Variants in LIM2 observed in about 807,000 individuals in gnomAD.
The protein encoded by LIM2 is lens intrinsic membrane protein 2, also known as lens fiber membrane intrinsic protein.
In LIM2, 14 loss-of-function variants were observed where a neutral mutation model predicts 19.0. The observed-to-expected ratio is 0.74, with a 90% confidence interval of 0.49 to 1.15. The LOEUF (loss-of-function observed/expected upper bound fraction) is 1.15, where lower values mean the gene tolerates loss of function less well. Among genes scored for constraint, LIM2 ranks in the 50% most tolerant of loss-of-function variants. The probability of loss-of-function intolerance (pLI) is 0.00; values close to 1 mark genes in which losing one functional copy is unlikely to be tolerated. For missense variants in LIM2, 230 were observed against 243.5 expected (o/e 0.94, Z 0.37); for synonymous variants, 78 against 89.6 (o/e 0.87, Z 0.73).
chr19:51,380,537 C>T lies in LIM2; in HGVS notation c.428G>A (p.Gly143Asp), dbSNP rs775952190. The part of the protein sequence containing the change: ...DWRFSWSYIL[G>D]WVAVLMTFFA... ...GAACGTCATGAGCACTGCCACCCAG[C>T]CCAGGATGTAGGACCAGGAAAAGCG... The change falls in exon 4 of 5, where the codon GGC (glycine) becomes GAC (aspartate). Residue 143 changes from glycine (G) to aspartate (D), a missense_variant. Coordinates refer to ENST00000596399, the MANE Select transcript of LIM2 (RefSeq NM_001161748.2). The T allele has an allele frequency of 1.9e-6, 3 of 1,614,206 alleles. No homozygotes were observed. The highest frequency in any genetic ancestry group is 1.1e-5 in the South Asian group (1 of 91,084).
At chr19:51,383,611 C>T (rs1231357473) in intron 2 of LIM2, among the ~76,000 whole-genome samples, 1 of 152,184 alleles carries the variant, frequency 6.6e-6, no homozygotes, top group Non-Finnish European at 1.5e-5. Context: ...ATAATAATCT[C>T]TTCATCCTTT....
chr19:51,386,314 G>A (rs998824672), intron 2 of LIM2, among the ~76,000 whole-genome samples: 3 of 150,644 alleles, frequency 2.0e-5, no homozygotes, highest in East Asian at 1.9e-4. Context: ...AGTAGAGACC[G>A]GGTTTCACCT....
chr19:51,383,952 G>C (rs192885303), intron 2 of LIM2, among the ~76,000 whole-genome samples: 1 of 152,236 alleles, frequency 6.6e-6, no homozygotes, highest in East Asian at 1.9e-4. Context: ...TAGAAGCCTC[G>C]GTGAGAGAAA....
intron 2 of LIM2, among the ~76,000 whole-genome samples, chr19:51,385,615 C>CA: frequency 6.6e-6 from 1 of 152,294 alleles, no homozygotes; most frequent in African/African-American, 2.4e-5. Flanking sequence ...AGAGATAAGA[C>CA]AGAGAGGTGG....
chr19:51,380,070 C>CA lies in LIM2; in HGVS notation c.*130dup. On this transcript the variant is annotated 3_prime_UTR_variant, in exon 5 of 5. Transcript: ENST00000596399. ...CTAGGACCAGGAGTCAGCCTCCCCC[C>CA]ACAAACCCACAGTCCAGAACTGAGC... 1 of 858,668 alleles carries CA rather than the reference C, an allele frequency of 1.2e-6. No homozygotes were observed. Among genetic ancestry groups the CA allele is most frequent in the Non-Finnish European group, 1.9e-6 (1 of 521,164 alleles). 53.2% of individuals were successfully genotyped at this position (858,668 alleles called of 1,614,324 possible). A position where few individuals can be genotyped will look rare whatever the true frequency, so the allele number is the denominator to read the frequency against.
chr19:51,379,992 G>T lies in LIM2; in HGVS notation c.*209C>A, dbSNP rs1002969304. On this transcript the variant is annotated 3_prime_UTR_variant, in exon 5 of 5. Coordinates refer to ENST00000596399, the MANE Select transcript of LIM2 (RefSeq NM_001161748.2). ...TCTAACAACCTGCCAGGCAGACGGGGACTTGAGTCTTCTCAGCTCCCTCCC... is the reference window on the plus strand; with the variant it reads ...TCTAACAACCTGCCAGGCAGACGGGTACTTGAGTCTTCTCAGCTCCCTCCC... The T allele has an allele frequency of 1.6e-6, 1 of 608,292 alleles. No individual in the cohort carries two copies. The allele number at this position is 608,292 out of a possible 1,614,324, so 37.7% of individuals were successfully genotyped here. A position where few individuals can be genotyped will look rare whatever the true frequency, so the allele number is the denominator to read the frequency against.
chr19:51,380,351 T>C (rs931291454), intron 4 of LIM2, 89 bp from the exon 5 acceptor site: 4 of 1,570,568 alleles, frequency 2.5e-6, no homozygotes, highest in Non-Finnish European at 8.8e-7. Flanking sequence ...ACTCTCTTTC[T>C]CCCTGGGTAT....
chr19:51,385,092 GC>G (rs1450867550), intron 2 of LIM2, among the ~76,000 whole-genome samples: 2 of 151,614 alleles, frequency 1.3e-5, no homozygotes, highest in African/African-American at 4.8e-5. Context: ...AAACACCTAG[GC>G]TCAAGTGATC....
Position 51,379,923 on chromosome 19 carries a change from T to G in LIM2, c.*278A>C. On this transcript the variant is annotated 3_prime_UTR_variant, in exon 5 of 5. Transcript: ENST00000596399. Reference sequence around the variant, plus strand: ...TAACACTTTAGTAGTTTCACATCAGTTTTATTAGGCCCCAGAAAGTTGCTC... The same window carrying G: ...TAACACTTTAGTAGTTTCACATCAGGTTTATTAGGCCCCAGAAAGTTGCTC... 1.8e-6 allele frequency: 1 copy of G among 561,200 alleles called. No homozygotes were observed. The highest frequency in any genetic ancestry group is 3.2e-6 in the Non-Finnish European group (1 of 313,204). 34.8% of individuals were successfully genotyped at this position (561,200 alleles called of 1,614,324 possible).
At chr19:51,387,543 AG>A in intron 1 of LIM2, 94 bp from the exon 2 acceptor site, 1 of 1,551,316 alleles carries the variant, frequency 6.4e-7, no homozygotes, top group Non-Finnish European at 8.7e-7. Context: ...TGGGATGCCA[AG>A]TGCTTGGGAG....
intron 2 of LIM2, among the ~76,000 whole-genome samples, chr19:51,383,141 T>C (rs150403483): frequency 0.014 from 2,044 of 149,982 alleles, 57 homozygotes; most frequent in African/African-American, 0.048. Context: ...TTCAAACGAT[T>C]CTCCTTCCTC....
chr19:51,381,205 C>T (rs1306701467), intron 3 of LIM2, among the ~76,000 whole-genome samples: 1 of 152,042 alleles, frequency 6.6e-6, no homozygotes, highest in Non-Finnish European at 1.5e-5. Flanking sequence ...GTAATCCCAG[C>T]TACTCAGGAG....
intron 3 of LIM2, 140 bp from the exon 4 acceptor site, chr19:51,380,779 G>A: frequency 1.0e-6 from 1 of 991,364 alleles, no homozygotes; most frequent in Non-Finnish European, 1.5e-6. Flanking sequence ...ATAGGAGTGA[G>A]GATAGGGGTT....
intron 3 of LIM2, among the ~76,000 whole-genome samples, chr19:51,381,635 G>A (rs1986894516): frequency 6.6e-6 from 1 of 152,204 alleles, no homozygotes; most frequent in African/African-American, 2.4e-5. Context: ...GCTTGGACCT[G>A]AGTTGTGTCC....
At chr19:51,381,319 T>C (rs1367286891) in intron 3 of LIM2, among the ~76,000 whole-genome samples, 2 of 151,940 alleles carry the variant, frequency 1.3e-5, no homozygotes, top group Non-Finnish European at 2.9e-5. Context: ...TGAGACTCCA[T>C]CTCAAAAAAG....
chr19:51,382,308 G>A, intron 3 of LIM2, 110 bp downstream of exon 3: 1 of 1,267,346 alleles, frequency 7.9e-7, no homozygotes, highest in Non-Finnish European at 1.1e-6. Context: ...GGTGGGGTGG[G>A]GTTGAGTGTG....
intron 2 of LIM2, among the ~76,000 whole-genome samples, chr19:51,385,301 C>T (rs932009787): frequency 1.3e-5 from 2 of 152,208 alleles, no homozygotes; most frequent in African/African-American, 4.8e-5. Context: ...GCGGGTGGAT[C>T]ACCTGAGGTC....
In LIM2 at chr19:51,387,465, G is replaced by A. The variant is rs1482304003; in HGVS notation, c.-6-16C>T. 6.2e-7 allele frequency: 1 copy of A among 1,612,934 alleles called. No homozygotes were observed. On this transcript the variant is annotated splice_polypyrimidine_tract_variant and intron_variant, in intron 1 of 4. Transcript: ENST00000596399. ...ACATGGTGATCTGTGGGGAAGGGGA[G>A]AGATGGGATTGGGAGCTGAATTCCC...
intron 2 of LIM2, among the ~76,000 whole-genome samples, chr19:51,383,569 C>CT (rs1343214808): frequency 6.6e-6 from 1 of 152,178 alleles, no homozygotes; most frequent in Non-Finnish European, 1.5e-5. Flanking sequence ...TTCTCTTGTG[C>CT]TTTGCCCAGG....
Sources: gnomAD v4.1 joint callset for allele counts (sites outside exome capture counted in the v4.1 genomes callset) on GRCh38, gnomAD v4.1.1 for gene constraint, MANE v1.5 for transcripts, NCBI Gene and HGNC (gene_info 2026-07-23, HGNC 2026-07-21) for gene names.